ZNF425: variants seen among roughly 807,000 people sequenced by gnomAD.
The protein encoded by ZNF425 is zinc finger protein 425.
ZNF425 carries 21 observed loss-of-function variants against 17.0 expected under a neutral mutation model. The ratio of observed to expected loss-of-function variants is 1.23; its 90% CI spans 0.88 to 1.78. ZNF425 has a LOEUF of 1.78. Ranked by LOEUF, ZNF425 falls within the 40% of genes most tolerant of loss-of-function variation. ZNF425 has a pLI of 0.00. For missense variants in ZNF425, 868 were observed against 967.3 expected (o/e 0.90, Z 1.36); for synonymous variants, 433 against 384.1 (o/e 1.13, Z -1.49).
At chr7:149,123,774 C>T (rs904731216) in intron 1 of ZNF425, among the ~76,000 whole-genome samples, 9 of 151,778 alleles carry the variant, frequency 5.9e-5, no homozygotes, top group Non-Finnish European at 1.0e-4. Flanking sequence ...TCAGTTGATC[C>T]GCCCGCCTCG....
intron 2 of ZNF425, 69 bp downstream of exon 2, chr7:149,118,153 A>G: frequency 6.3e-7 from 1 of 1,590,994 alleles, no homozygotes; most frequent in Non-Finnish European, 8.6e-7. Flanking sequence ...CCCACGGCTC[A>G]TACAGGGAAG....
chr7:149,121,485 G>A (rs1026674428), intron 1 of ZNF425, among the ~76,000 whole-genome samples: 7 of 150,816 alleles, frequency 4.6e-5, no homozygotes, highest in Non-Finnish European at 7.4e-5. Context: ...TCCGCCTCCC[G>A]GGATCAAGTG....
In ZNF425 at chr7:149,103,405, A is replaced by G. The variant is rs1826007984; in HGVS notation, c.*207T>C. ...GCTGACTTTTATATTTTTTGTAGAGATGGAGTCTTGCAATGTTGCCTAGGC... is the reference window on the plus strand; with the variant it reads ...GCTGACTTTTATATTTTTTGTAGAGGTGGAGTCTTGCAATGTTGCCTAGGC... On this transcript the variant is annotated 3_prime_UTR_variant, in exon 4 of 4. Coordinates refer to ENST00000378061, the MANE Select transcript of ZNF425 (RefSeq NM_001001661.3). 3 of 585,002 alleles carry G rather than the reference A, an allele frequency of 5.1e-6. No individual in the cohort carries two copies. The Admixed American group carries it at 1.0e-4, about 20-fold the overall frequency. 36.2% of individuals were successfully genotyped at this position (585,002 alleles called of 1,614,324 possible).
At chr7:149,106,440 T>C (rs1274964197) in intron 3 of ZNF425, among the ~76,000 whole-genome samples, 1 of 150,844 alleles carries the variant, frequency 6.6e-6, no homozygotes, top group Non-Finnish European at 1.5e-5. Flanking sequence ...GGTTTCAGCA[T>C]GTTGGCCAGT....
rs758648478 is a variant in ZNF425, at chr7:149,104,560, A to T, written c.1311T>A (p.Ile437=). 1.9e-6 allele frequency: 3 copies of T among 1,613,032 alleles called. No individual in the cohort carries two copies. The highest frequency in any genetic ancestry group is 2.5e-6 in the Non-Finnish European group (3 of 1,179,676). The change falls in exon 4 of 4, where the codon ATT becomes ATA. Residue 437 remains isoleucine (I), a synonymous_variant. Coordinates refer to ENST00000378061, the MANE Select transcript of ZNF425 (RefSeq NM_001001661.3). This position sits in a 1 kb window ranked among gnomAD's most constrained non-coding sequence, Gnocchi z 4.3. The part of the protein sequence containing the change: ...RSLKAHGLQH[I]GKRPFQCPEC... ...CCGGGCACTGGAAGGGCCGCTTCCC[A>T]ATGTGCTGCAGCCCGTGGGCTTTCA...
At chr7:149,108,876 G>A (rs1042936402) in intron 3 of ZNF425, among the ~76,000 whole-genome samples, 4 of 152,012 alleles carry the variant, frequency 2.6e-5, no homozygotes, top group African/African-American at 9.7e-5. Context: ...TGGTGACATA[G>A]CAAGACTCTG....
chr7:149,110,617 C>G (rs960121927), intron 3 of ZNF425, among the ~76,000 whole-genome samples: 19 of 151,292 alleles, frequency 1.3e-4, no homozygotes, highest in Non-Finnish European at 4.4e-5. Context: ...GTGAAATACT[C>G]CCTTATGTCA....
chr7:149,108,931 T>C (rs1185475330), intron 3 of ZNF425, among the ~76,000 whole-genome samples: 2 of 152,074 alleles, frequency 1.3e-5, no homozygotes, highest in Non-Finnish European at 1.5e-5. Context: ...TCCCATTCTA[T>C]AGGATGAAGT....
chr7:149,108,863 G>A (rs1826125681), intron 3 of ZNF425, among the ~76,000 whole-genome samples: 1 of 152,066 alleles, frequency 6.6e-6, no homozygotes, highest in South Asian at 2.1e-4. Flanking sequence ...CTGCACTCCA[G>A]TTTGGTGACA....
Position 149,104,487 on chromosome 7 carries a change from G to A in ZNF425, c.1384C>T (p.Arg462Cys). The A allele has an allele frequency of 1.9e-6, 3 of 1,596,726 alleles. No homozygotes were observed. The South Asian group carries it at 3.4e-5, about 18-fold the overall frequency. The change falls in exon 4 of 4, where the codon CGC (arginine) becomes TGC (cysteine). Residue 462 changes from arginine to cysteine, a missense_variant. By Grantham distance (180) the Arg-to-Cys change is radical. Coordinates refer to ENST00000378061, the MANE Select transcript of ZNF425 (RefSeq NM_001001661.3). This position sits in a 1 kb window ranked among gnomAD's most constrained non-coding sequence, Gnocchi z 4.3. ...FWRNAMRAHQ[R>C]LHSEQKPFPC... The stretch of plus-strand genomic sequence containing the variant: ...AAGGGCTTTTGCTCGCTGTGCAGGC[G>A]CTGGTGGGCGCGCATGGCGTTCCTC...
Position 149,126,203 on chromosome 7 carries a change from G to A in ZNF425, c.11C>T (p.Pro4Leu). Residue 4 changes from proline (P) to leucine (L), a missense_variant, in exon 1 of 4, where the codon CCG (proline) becomes CTG (leucine). Physicochemically the swap from Pro to Leu is moderately conservative, Grantham distance 98. This residue lies in a region of ZNF425 where 179 missense variants were observed against 216.3 expected (regional missense o/e 0.83). Transcript: ENST00000378061. The part of the protein sequence containing the change: MAE[P>L]ASVTVTFDDV... ...TCCACCGGCCCTTCTTACCGAAGCCGGCTCGGCCATGGCGGTTCCGCACGA... is the reference window on the plus strand; with the variant it reads ...TCCACCGGCCCTTCTTACCGAAGCCAGCTCGGCCATGGCGGTTCCGCACGA... 1 of 1,612,702 alleles carries A rather than the reference G, an allele frequency of 6.2e-7. No homozygotes were observed. The highest frequency in any genetic ancestry group is 1.7e-5 in the Admixed American group (1 of 59,954).
In ZNF425 at chr7:149,104,728, G is replaced by A. The variant is rs771854743; in HGVS notation, c.1143C>T (p.Ser381=). ...CACCACAAGAAAACGGCTTTTCCTCGCTGTGCGTCCTCTGGTGGGTCTTCA... is the reference window on the plus strand; with the variant it reads ...CACCACAAGAAAACGGCTTTTCCTCACTGTGCGTCCTCTGGTGGGTCTTCA... ...AALKTHQRTH[S]EEKPFSCGEC... is the part of the protein sequence containing the mutation. Residue 381 remains serine, a synonymous_variant, in exon 4 of 4, where the codon AGC becomes AGT. Transcript: ENST00000378061. The surrounding 1 kb of genome is among the most constrained non-coding windows in gnomAD (Gnocchi z 4.3). 6.2e-7 allele frequency: 1 copy of A among 1,613,142 alleles called. No individual in the cohort carries two copies. The highest frequency in any genetic ancestry group is 8.5e-7 in the Non-Finnish European group (1 of 1,179,954).
chr7:149,113,763 G>A (rs1296446024), intron 2 of ZNF425, among the ~76,000 whole-genome samples: 1 of 151,648 alleles, frequency 6.6e-6, no homozygotes, highest in East Asian at 2.0e-4. Context: ...GTGTTAGCCA[G>A]GATGGTCTCA....
In ZNF425 at chr7:149,118,330, C is replaced by T. The variant is rs766702222; in HGVS notation, c.37G>A (p.Asp13Asn). ...TGTTCCGAAAAATATAAGGCCACAT[C>T]ATCAAATGTCACAGTTACCTGGAAT... ...EPASVTVTFD[D>N]VALYFSEQEW... The change falls in exon 2 of 4, where the codon GAT (aspartate) becomes AAT (asparagine). Residue 13 changes from aspartate (D) to asparagine (N), a missense_variant. By Grantham distance (23) the Asp-to-Asn change is conservative (BLOSUM62 1). This residue lies in a region of ZNF425 where 179 missense variants were observed against 216.3 expected (regional missense o/e 0.83). Transcript: ENST00000378061. 3.7e-5 allele frequency: 60 copies of T among 1,614,060 alleles called. No homozygotes were observed. The highest frequency in any genetic ancestry group is 4.7e-5 in the Non-Finnish European group (55 of 1,180,052).
At chr7:149,125,940 A>C (rs766316060) in intron 1 of ZNF425, 13 of 674,454 alleles carry the variant, frequency 1.9e-5, no homozygotes, top group Non-Finnish European at 3.0e-5. Context: ...CTCCCGCCTC[A>C]GCCTTCCGAG....
Position 149,105,471 on chromosome 7 carries a change from T to C in ZNF425, c.400A>G (p.Lys134Glu), listed in dbSNP as rs762872132. The C allele has an allele frequency of 9.2e-6, 14 of 1,526,542 alleles. No individual in the cohort carries two copies. The East Asian group carries it at 2.0e-4, about 22-fold the overall frequency. The allele number at this position is 1,526,542 out of a possible 1,614,324, so 94.6% of individuals were successfully genotyped here. A position where few individuals can be genotyped will look rare whatever the true frequency, so the allele number is the denominator to read the frequency against. ...LCAALRGKER[K>E]ILLAQTATFQ... ...GTGGCTGTTTGAGCTAATAAAATCT[T>C]TCTCTCTTTCCCTCGTAAGGCAGCA... is the stretch of plus-strand genomic sequence containing the variant. The change falls in exon 4 of 4, where the codon AAG becomes GAG. Residue 134 changes from lysine to glutamate, a missense_variant. This residue lies in a region of ZNF425 where 179 missense variants were observed against 216.3 expected (regional missense o/e 0.83). Transcript: ENST00000378061.
Position 149,112,277 on chromosome 7 carries a change from G to C in ZNF425, c.164C>G (p.Pro55Arg), listed in dbSNP as rs1266617151. 1 of 1,613,412 alleles carries C rather than the reference G, an allele frequency of 6.2e-7. No individual in the cohort carries two copies. Among genetic ancestry groups the C allele is most frequent in the East Asian group, 2.2e-5 (1 of 44,854 alleles). ...TTGTTCCATCCATGTGATCAAATCTGGCTTGGAAAAAGCATACCCTGCAAA... is the reference window on the plus strand; with the variant it reads ...TTGTTCCATCCATGTGATCAAATCTCGCTTGGAAAAAGCATACCCTGCAAA... ...LDSLGYAFSK[P>R]DLITWMEQGR... Residue 55 changes from proline (P) to arginine (R), a missense_variant, in exon 3 of 4, where the codon CCA (proline) becomes CGA (arginine). By Grantham distance (103) the Pro-to-Arg change is moderately radical (BLOSUM62 -2). Transcript: ENST00000378061.
chr7:149,122,200 G>C (rs1189154067), intron 1 of ZNF425, among the ~76,000 whole-genome samples: 3 of 151,546 alleles, frequency 2.0e-5, no homozygotes, highest in African/African-American at 7.3e-5. Context: ...CCAAAGTGCT[G>C]GGATTACAGG....
At chr7:149,105,682 G>A (rs181902076) in intron 3 of ZNF425, 116 bp from the exon 4 acceptor site, 12 of 662,598 alleles carry the variant, frequency 1.8e-5, no homozygotes, top group South Asian at 1.5e-4. Context: ...ATAGAGTCTC[G>A]CTCTGTTGTC....
Sources: gnomAD v4.1 joint callset for allele counts (sites outside exome capture counted in the v4.1 genomes callset) on GRCh38, gnomAD v4.1.1 for gene constraint, gnomAD v4.1.1 regional missense constraint, Gnocchi (gnomAD v3.1) non-coding constraint, MANE v1.5 for transcripts, NCBI Gene and HGNC (gene_info 2026-07-23, HGNC 2026-07-21) for gene names.